Variants in PLXDC1 observed in about 807,000 individuals in gnomAD.
PLXDC1 encodes the protein plexin domain containing 1.
PLXDC1 carries 39 observed loss-of-function variants against 61.3 expected under a neutral mutation model. The ratio of observed to expected loss-of-function variants is 0.64; its 90% confidence interval spans 0.49 to 0.83. PLXDC1 has a LOEUF of 0.83. PLXDC1 is among the 40% of genes least tolerant of loss of function. The pLI is 0.00. For missense variants in PLXDC1, 596 were observed against 666.5 expected, an observed-to-expected ratio of 0.89 and a Z score of 1.17; for synonymous variants, 212 against 254.5, an observed-to-expected ratio of 0.83 and a Z score of 1.59.
chr17:39,095,632 CTTT>C (rs538439356), intron 7 of PLXDC1, among the ~76,000 whole-genome samples: 1 of 146,588 alleles, frequency 6.8e-6, no homozygotes, highest in Non-Finnish European at 1.5e-5. Context: ...TGTTTTTTGT[CTTT>C]TTTTTTTGGC....
chr17:39,096,784 A>T, intron 7 of PLXDC1: 1 of 390,492 alleles, frequency 2.6e-6, no homozygotes, highest in Non-Finnish European at 5.3e-6. Context: ...AGTTGCTTTT[A>T]TACTAACCAT....
intron 3 of PLXDC1, 26 bp downstream of exon 3, chr17:39,109,222 G>A (rs1910707869): frequency 6.3e-7 from 1 of 1,595,214 alleles, no homozygotes; most frequent in African/African-American, 1.3e-5. Flanking sequence ...GCACAGGGAA[G>A]CATGGCTGGC....
chr17:39,119,753 T>A (rs76287852), intron 2 of PLXDC1, among the ~76,000 whole-genome samples: 12,565 of 151,182 alleles, frequency 0.083, 654 homozygotes, highest in Non-Finnish European at 0.12. Flanking sequence ...TCAAAAAAAA[T>A]TTTTTTTTAA....
At position 39,087,693 on chromosome 17, in the gene PLXDC1, C is replaced by T. The variant is rs918117295; in HGVS notation, c.821G>A (p.Arg274Gln). ...NPSPDVPESR[R>Q]RSIFEYHRIE... ...GCGGTGATATTCAAAGATGCTCCTT[C>T]GCCGAGATTCTGAAACAGAGGCAGA... is the stretch of plus-strand genomic sequence containing the variant. Residue 274 changes from arginine (R) to glutamine (Q), a missense_variant, in exon 8 of 14, where the codon CGA (arginine) becomes CAA (glutamine). Physicochemically the swap from Arg to Gln is conservative, Grantham distance 43. Coordinates refer to ENST00000315392, the MANE Select transcript of PLXDC1 (RefSeq NM_020405.5). 16 of 1,613,002 alleles carry T rather than the reference C, an allele frequency of 9.9e-6. No homozygotes were observed. Among genetic ancestry groups the T allele is most frequent in the Admixed American group, 5.0e-5 (3 of 59,978 alleles).
In PLXDC1 at chr17:39,151,413, C is replaced by G; in HGVS notation, c.25G>C (p.Val9Leu). Residue 9 changes from valine to leucine, a missense_variant, in exon 1 of 14, where the codon GTG becomes CTG. Physicochemically the swap from Val to Leu is conservative, Grantham distance 32. Coordinates refer to ENST00000315392, the MANE Select transcript of PLXDC1 (RefSeq NM_020405.5). The surrounding 1 kb of genome is among the most constrained non-coding windows in gnomAD (Gnocchi z 5.2). ...CGGGCAGCCTCCCTGAGCACCAGCACCAGGAGCCAGAGCTCGCCTCGCATG... is the reference window on the plus strand; with the variant it reads ...CGGGCAGCCTCCCTGAGCACCAGCAGCAGGAGCCAGAGCTCGCCTCGCATG... Reference protein sequence around the residue: MRGELWLLVLVLREAARAL... With the variant: MRGELWLLLLVLREAARAL... 1 of 1,296,598 alleles carries G rather than the reference C, an allele frequency of 7.7e-7. No individual in the cohort carries two copies. The highest frequency in any genetic ancestry group is 9.8e-7 in the Non-Finnish European group (1 of 1,020,454). The allele number at this position is 1,296,598 out of a possible 1,614,324, so 80.3% of individuals were successfully genotyped here. A position where few individuals can be genotyped will look rare whatever the true frequency, so the allele number is the denominator to read the frequency against.
intron 7 of PLXDC1, among the ~76,000 whole-genome samples, chr17:39,088,295 C>T (rs761462625): frequency 1.3e-5 from 2 of 152,224 alleles, no homozygotes; most frequent in African/African-American, 2.4e-5. Flanking sequence ...CACCTCACCC[C>T]TCCTGGACAA....
intron 7 of PLXDC1, among the ~76,000 whole-genome samples, chr17:39,102,346 C>T (rs1910448884): frequency 1.3e-5 from 2 of 152,074 alleles, no homozygotes; most frequent in African/African-American, 2.4e-5. Context: ...ACAGGCATGC[C>T]CACCTATGAG....
intron 2 of PLXDC1, among the ~76,000 whole-genome samples, chr17:39,128,088 T>TATGTATATATATATATATAAATA (rs1213213801): frequency 9.6e-6 from 1 of 104,674 alleles, no homozygotes; most frequent in Non-Finnish European, 1.9e-5. Flanking sequence ...TCTCTCTCTC[T>TATGTATATATATATATATAAATA]CTCTATGTGT....
intron 7 of PLXDC1, among the ~76,000 whole-genome samples, chr17:39,095,666 G>GTTTT (rs746328283): frequency 2.7e-5 from 4 of 150,698 alleles, no homozygotes; most frequent in Non-Finnish European, 5.9e-5. Flanking sequence ...TTTTTGTTTT[G>GTTTT]TTTTGTTTTT....
At chr17:39,105,315 G>A (rs1400919739) in intron 7 of PLXDC1, among the ~76,000 whole-genome samples, 3 of 152,164 alleles carry the variant, frequency 2.0e-5, no homozygotes, top group South Asian at 2.1e-4. Context: ...AAAGAGCTAT[G>A]ACCTCCTAAA....
intron 7 of PLXDC1, among the ~76,000 whole-genome samples, chr17:39,093,503 A>G (rs11657347): frequency 0.5 from 76,610 of 151,750 alleles, 19,602 homozygotes; most frequent in East Asian, 0.64. Context: ...GGTCACCTGA[A>G]GTCAGGAGTT....
At chr17:39,132,557 C>T (rs1169096145) in intron 2 of PLXDC1, among the ~76,000 whole-genome samples, 2 of 152,208 alleles carry the variant, frequency 1.3e-5, no homozygotes, top group East Asian at 3.9e-4. Flanking sequence ...GCTGCCAGCT[C>T]ACCCTGGGAC....
intron 7 of PLXDC1, among the ~76,000 whole-genome samples, chr17:39,104,922 C>G (rs1264765084): frequency 3.9e-5 from 6 of 152,210 alleles, no homozygotes; most frequent in Non-Finnish European, 2.9e-5. Context: ...TGGAACCGAA[C>G]AGAAATAGGC....
chr17:39,129,639 AAG>A (rs142405651), intron 2 of PLXDC1, among the ~76,000 whole-genome samples: 11 of 139,878 alleles, frequency 7.9e-5, no homozygotes, highest in Admixed American at 3.0e-4. Context: ...AAAAGAAAGA[AAG>A]AGAGAGAGAG....
intron 7 of PLXDC1, among the ~76,000 whole-genome samples, chr17:39,091,326 G>A (rs368454237): frequency 2.3e-4 from 11 of 46,904 alleles, no homozygotes; most frequent in African/African-American, 7.0e-4. Flanking sequence ...CACACCCACT[G>A]ACTCCCATGG....
At chr17:39,079,320 A>C (rs1909464242) in intron 9 of PLXDC1, 156 bp from the exon 10 acceptor site, 1 of 665,792 alleles carries the variant, frequency 1.5e-6, no homozygotes, top group African/African-American at 1.8e-5. Context: ...ACTTCCCCGG[A>C]AGATGAAGGT....
At chr17:39,133,474 A>G (rs779932885) in intron 2 of PLXDC1, among the ~76,000 whole-genome samples, 8 of 151,900 alleles carry the variant, frequency 5.3e-5, no homozygotes, top group Non-Finnish European at 1.0e-4. Context: ...CCCTTCTACA[A>G]CCCTGTTTTT....
rs1363076233 is a variant in PLXDC1, at chr17:39,128,105, A to ATGTG, written c.255+11548_255+11549insCACA. On this transcript the variant is annotated intron_variant, in intron 2 of 13. Coordinates refer to ENST00000315392, the MANE Select transcript of PLXDC1 (RefSeq NM_020405.5). ...TCTCTCTCTCTCTATGTGTATATAT[A>ATGTG]TATATATATGTATATATATATGTGT... Among the ~76,000 whole-genome samples the ATGTG allele has an allele frequency of 2.8e-3, 231 of 81,740 alleles. 11 individuals carry two copies. The highest frequency in any genetic ancestry group is 0.012 in the African/African-American group (222 of 18,714). The allele number at this position is 81,740 out of a possible 152,430, so 53.6% of individuals were successfully genotyped here. A position where few individuals can be genotyped will look rare whatever the true frequency, so the allele number is the denominator to read the frequency against.
chr17:39,072,013 T>C (rs996965240), intron 12 of PLXDC1: 9 of 175,028 alleles, frequency 5.1e-5, no homozygotes, highest in Middle Eastern at 2.8e-3. Context: ...GCAAAAATTG[T>C]AGCGGACAAT....
Sources: allele counts gnomAD v4.1 joint callset (sites outside exome capture counted in the v4.1 genomes callset), GRCh38; gene constraint gnomAD v4.1.1; non-coding constraint Gnocchi (gnomAD v3.1); transcripts MANE v1.5; gene names NCBI Gene and HGNC (gene_info 2026-07-23, HGNC 2026-07-21).